The following IL21R variants were observed in gnomAD, a reference collection of about 807,000 sequenced individuals.
IL21R encodes the protein interleukin-21 receptor.
In IL21R, 14 loss-of-function variants were observed where a neutral mutation model predicts 41.3. The ratio of observed to expected loss-of-function variants is 0.34; its 90% CI spans 0.22 to 0.53. IL21R has a LOEUF of 0.53. Ranked by LOEUF, IL21R falls within the 20% of genes least tolerant of loss-of-function variation. The pLI, the probability that IL21R is intolerant of heterozygous loss-of-function variation, is 0.94. For missense variants in IL21R, 588 were observed against 681.6 expected, an observed-to-expected ratio of 0.86 and a Z score of 1.53; for synonymous variants, 286 against 287.6, an observed-to-expected ratio of 0.99 and a Z score of 0.05.
Position 27,451,506 on chromosome 16 carries a change from C to T in IL21R, c.*2223C>T, listed in dbSNP as rs774253473. On this transcript the variant is annotated 3_prime_UTR_variant, in exon 9 of 9. Coordinates refer to ENST00000337929, the MANE Select transcript of IL21R (RefSeq NM_181078.3). ...GGTGGATCACTTGAGGCCAGGAGTT[C>T]GAGACCAGCCTGGGCAACATAGCAA... 2.0e-4 allele frequency: 43 copies of T among 209,890 alleles called. No homozygotes were observed. The highest frequency in any genetic ancestry group is 3.6e-4 in the Non-Finnish European group (37 of 103,364). 13.0% of individuals were successfully genotyped at this position (209,890 alleles called of 1,614,324 possible). A position where few individuals can be genotyped will look rare whatever the true frequency, so the allele number is the denominator to read the frequency against.
intron 1 of IL21R, among the ~76,000 whole-genome samples, chr16:27,426,377 T>C (rs1169946174): frequency 6.6e-6 from 1 of 152,252 alleles, no homozygotes; most frequent in Non-Finnish European, 1.5e-5. Context: ...AGTAAGTGGA[T>C]AATTAATAGT....
chr16:27,410,383 A>G (rs1026709197), intron 1 of IL21R, among the ~76,000 whole-genome samples: 4 of 151,944 alleles, frequency 2.6e-5, no homozygotes, highest in Admixed American at 1.3e-4. Context: ...CTTCTCGGAT[A>G]TTTGATTTTT....
At chr16:27,423,281 C>T (rs2087025353) in intron 1 of IL21R, among the ~76,000 whole-genome samples, 1 of 151,744 alleles carries the variant, frequency 6.6e-6, no homozygotes, top group African/African-American at 2.4e-5. Context: ...ATTAGTGTGA[C>T]AACAGCTACT....
At chr16:27,436,654 T>G (rs1234232918) in intron 3 of IL21R, among the ~76,000 whole-genome samples, 4 of 152,126 alleles carry the variant, frequency 2.6e-5, no homozygotes, top group South Asian at 4.1e-4. Context: ...CCAGTGGGAG[T>G]TAAAAAGCCA....
intron 2 of IL21R, among the ~76,000 whole-genome samples, chr16:27,432,662 G>C (rs2087195023): frequency 6.6e-6 from 1 of 152,292 alleles, no homozygotes; most frequent in African/African-American, 2.4e-5. Context: ...TCTGTGTTGA[G>C]GTTTTGCCAA....
In IL21R at chr16:27,449,387, TG is replaced by T. The variant is rs2141320882; in HGVS notation, c.*106del. 1 of 1,198,648 alleles carries T rather than the reference TG, an allele frequency of 8.3e-7. No homozygotes were observed. Among genetic ancestry groups the T allele is most frequent in the African/African-American group, 1.5e-5 (1 of 65,240 alleles). The allele number at this position is 1,198,648 out of a possible 1,614,324, so 74.3% of individuals were successfully genotyped here. ...AAGACACCTGCAGCCTTTGGTCTCC[TG>T]GATGGGCCTTTGAGCCTGATGTTTA... On this transcript the variant is annotated 3_prime_UTR_variant, in exon 9 of 9. Transcript: ENST00000337929.
chr16:27,422,188 C>CT (rs931998534), intron 1 of IL21R, among the ~76,000 whole-genome samples: 13 of 151,886 alleles, frequency 8.6e-5, no homozygotes, highest in Middle Eastern at 3.4e-3. Context: ...GGTGAAGTGT[C>CT]TTTTTTTTCT....
chr16:27,408,195 C>CA (rs2086776779), intron 1 of IL21R, among the ~76,000 whole-genome samples: 1 of 152,184 alleles, frequency 6.6e-6, no homozygotes, highest in South Asian at 2.1e-4. Context: ...AGGAGTGACT[C>CA]ATGCTCTTTG....
At chr16:27,429,956 A>G (rs994877857) in intron 1 of IL21R, 100 bp from the exon 2 acceptor site, 19 of 1,010,998 alleles carry the variant, frequency 1.9e-5, no homozygotes, top group East Asian at 2.7e-5. Context: ...GACAGTTCCA[A>G]GAATCAGGGG....
intron 1 of IL21R, among the ~76,000 whole-genome samples, chr16:27,413,844 AGTTT>A (rs1452127463): frequency 4.0e-5 from 6 of 151,048 alleles, no homozygotes; most frequent in South Asian, 2.1e-4. Flanking sequence ...TTTTTTTCTT[AGTTT>A]AACTAAGGGT....
chr16:27,449,249 C>A lies in IL21R; in HGVS notation c.1583C>A (p.Pro528Gln), dbSNP rs376045198. The A allele has an allele frequency of 1.3e-5, 21 of 1,609,414 alleles. No homozygotes were observed. Among genetic ancestry groups the A allele is most frequent in the Non-Finnish European group, 1.8e-5 (21 of 1,178,222 alleles). Residue 528 changes from proline (P) to glutamine (Q), a missense_variant, in exon 9 of 9, where the codon CCG (proline) becomes CAG (glutamine). By Grantham distance (76) the Pro-to-Gln change is moderately conservative (BLOSUM62 -1). Transcript: ENST00000337929. ...SYLRQWVVIP[P>Q]PLSSPGPQAS Reference sequence around the variant, plus strand: ...CTCCGCCAGTGGGTGGTCATTCCTCCGCCACTTTCGAGCCCTGGACCCCAG... The same window carrying A: ...CTCCGCCAGTGGGTGGTCATTCCTCAGCCACTTTCGAGCCCTGGACCCCAG...
intron 2 of IL21R, among the ~76,000 whole-genome samples, chr16:27,433,390 C>T (rs3093320): frequency 0.37 from 56,909 of 151,950 alleles, 11,319 homozygotes; most frequent in East Asian, 0.48. Context: ...TGCTTGAGCC[C>T]AGGAGGTGGA....
At chr16:27,442,499 G>A (rs1396437474) in intron 4 of IL21R, among the ~76,000 whole-genome samples, 1 of 152,144 alleles carries the variant, frequency 6.6e-6, no homozygotes, top group African/African-American at 2.4e-5. Flanking sequence ...GAGTAGATGG[G>A]ACTACAGGCG....
intron 8 of IL21R, 138 bp downstream of exon 8, chr16:27,446,226 C>T: frequency 1.7e-6 from 1 of 593,242 alleles, no homozygotes; most frequent in East Asian, 3.0e-5. Flanking sequence ...CAAGCCAGGC[C>T]TCAGTTTCCC....
In IL21R at chr16:27,451,758, AAGG is replaced by A. The variant is rs2087602430; in HGVS notation, c.*2479_*2481del. On this transcript the variant is annotated 3_prime_UTR_variant, in exon 9 of 9. Transcript: ENST00000337929. ...TGGAGACAAGAGCTGGCTCACCTGA[AAGG>A]AGGGATTAGTAGGTAGGAGGGTGGA... 4.3e-6 allele frequency: 1 copy of A among 230,004 alleles called. No individual in the cohort carries two copies. The highest frequency in any genetic ancestry group is 2.2e-5 in the African/African-American group (1 of 45,128). The allele number at this position is 230,004 out of a possible 1,614,324, so 14.2% of individuals were successfully genotyped here. A position where few individuals can be genotyped will look rare whatever the true frequency, so the allele number is the denominator to read the frequency against.
At chr16:27,405,234 T>C (rs1017771194) in intron 1 of IL21R, among the ~76,000 whole-genome samples, 6 of 152,070 alleles carry the variant, frequency 3.9e-5, no homozygotes, top group African/African-American at 7.2e-5. Flanking sequence ...GGTTTCACCA[T>C]GTTGGCCAGG....
chr16:27,417,985 G>A (rs11074859), intron 1 of IL21R, among the ~76,000 whole-genome samples: 38,015 of 145,308 alleles, frequency 0.26, 5,997 homozygotes, highest in East Asian at 0.6. Flanking sequence ...ATTAACTTTG[G>A]CTTACTGTAA....
intron 1 of IL21R, among the ~76,000 whole-genome samples, chr16:27,414,058 T>G (rs763075535): frequency 3.9e-4 from 59 of 152,000 alleles, no homozygotes; most frequent in Non-Finnish European, 7.4e-4. Flanking sequence ...TATCATTGCC[T>G]TATTATGTTA....
At chr16:27,420,963 C>A (rs1037692854) in intron 1 of IL21R, among the ~76,000 whole-genome samples, 4 of 152,144 alleles carry the variant, frequency 2.6e-5, no homozygotes, top group African/African-American at 4.8e-5. Context: ...AGTCTTTAAT[C>A]TATTTTGAGT....
Sources: allele counts gnomAD v4.1 joint callset (sites outside exome capture counted in the v4.1 genomes callset), GRCh38; gene constraint gnomAD v4.1.1; transcripts MANE v1.5; gene names NCBI Gene and HGNC (gene_info 2026-07-23, HGNC 2026-07-21).